NCAM1: variants seen among roughly 807,000 people sequenced by gnomAD.
NCAM1 encodes antigen recognized by monoclonal antibody 5.1H11.
Under a neutral mutation model 109.8 loss-of-function variants are expected in NCAM1, and 14 were observed. The ratio of observed to expected loss-of-function variants is 0.13; its 90% confidence interval spans 0.08 to 0.20. The LOEUF (loss-of-function observed/expected upper bound fraction) is 0.20, where lower values mean the gene tolerates loss of function less well. Ranked by LOEUF, NCAM1 falls within the 10% of genes least tolerant of loss-of-function variation. The pLI, the probability that NCAM1 is intolerant of heterozygous loss-of-function variation, is 1.00. For synonymous variants in NCAM1, 418 were observed against 442.9 expected (o/e 0.94, Z 0.70); for missense variants, 774 against 1,109.9 (o/e 0.70, Z 4.30).
Position 113,124,539 on chromosome 11 carries a change from A to T in NCAM1, c.53-77840A>T, listed in dbSNP as rs144088320. Among the ~76,000 whole-genome samples, 54 of 152,342 alleles carry T rather than the reference A, an allele frequency of 3.5e-4. No homozygotes were observed. In the Middle Eastern group the frequency reaches 0.014, roughly 38 times the overall value. On this transcript the variant is annotated intron_variant, in intron 1 of 19. Transcript: ENST00000316851. ...AGTAGAGTGGCTGCTGTGTGTTTAC[A>T]GTCACAAGATATTTCTGAATTCTTT...
chr11:113,231,138 G>T, intron 9 of NCAM1: 1 of 1,471,692 alleles, frequency 6.8e-7, no homozygotes, highest in Non-Finnish European at 9.2e-7. Flanking sequence ...GGCATCTGCA[G>T]AAATAAGGAT....
Position 113,204,270 on chromosome 11 carries a change from A to C in NCAM1, c.128-16A>C, listed in dbSNP as rs1555112426. 4 of 1,591,706 alleles carry C rather than the reference A, an allele frequency of 2.5e-6. No individual in the cohort carries two copies. Among genetic ancestry groups the C allele is most frequent in the African/African-American group, 2.7e-5 (2 of 74,568 alleles). ...TTTCGACTTCAGTAGCTTAAAAATAATCTCTTCCTCTTTAGTGGCAGGAGA... is the reference window on the plus strand; with the variant it reads ...TTTCGACTTCAGTAGCTTAAAAATACTCTCTTCCTCTTTAGTGGCAGGAGA... On this transcript the variant is annotated splice_polypyrimidine_tract_variant and intron_variant, in intron 2 of 19. Transcript: ENST00000316851.
intron 1 of NCAM1, among the ~76,000 whole-genome samples, chr11:112,976,291 G>A (rs574730342): frequency 6.6e-6 from 1 of 151,866 alleles, no homozygotes. Flanking sequence ...CTCAACATGA[G>A]AGATTTAAAA....
chr11:113,182,451 C>T lies in NCAM1; in HGVS notation c.53-19928C>T, dbSNP rs1212427252. 4.6e-5 allele frequency among the ~76,000 whole-genome samples: 7 copies of T among 152,296 alleles called. No individual in the cohort carries two copies. The East Asian group carries it at 1.2e-3, about 25-fold the overall frequency. ...TGACGTAATTAACAGCTGTCTAGAACGTGCCTTTTTATGCCTTGTATTATG... is the reference window on the plus strand; with the variant it reads ...TGACGTAATTAACAGCTGTCTAGAATGTGCCTTTTTATGCCTTGTATTATG... On this transcript the variant is annotated intron_variant, in intron 1 of 19. Transcript: ENST00000316851.
chr11:113,152,440 A>G (rs9651679), intron 1 of NCAM1, among the ~76,000 whole-genome samples: 21,057 of 152,306 alleles, frequency 0.14, 1,636 homozygotes, highest in East Asian at 0.26. Flanking sequence ...AAATCAGTGT[A>G]ATATGCTCTA....
intron 1 of NCAM1, among the ~76,000 whole-genome samples, chr11:113,010,030 GA>G (rs5794836): frequency 0.46 from 67,141 of 146,014 alleles, 15,724 homozygotes; most frequent in East Asian, 0.8. Flanking sequence ...GCTGCATCTT[GA>G]AAAAAAAAAA....
At chr11:113,169,771 G>A (rs12274201) in intron 1 of NCAM1, among the ~76,000 whole-genome samples, 31,462 of 151,780 alleles carry the variant, frequency 0.21, 4,129 homozygotes, top group East Asian at 0.37. Context: ...GGGATGATAG[G>A]TGCCTGCCAC....
rs533374737 is a variant in NCAM1 at position 113,072,823 on chromosome 11, A to T, written c.52+111159A>T. Among the ~76,000 whole-genome samples the T allele has an allele frequency of 8.5e-3, 1,240 of 145,500 alleles. 9 individuals are homozygous for T. Among genetic ancestry groups the T allele is most frequent in the African/African-American group, 0.023 (914 of 39,338 alleles). ...TTCTAAGTATTTTACATTGTTTTTTATTTTTTTTTTCATTTTTTTGACTAT... is the reference window on the plus strand; with the variant it reads ...TTCTAAGTATTTTACATTGTTTTTTTTTTTTTTTTTCATTTTTTTGACTAT... On this transcript the variant is annotated intron_variant, in intron 1 of 19. Coordinates refer to ENST00000316851, the MANE Select transcript of NCAM1 (RefSeq NM_181351.5).
chr11:112,970,016 T>C (rs1555066489), intron 1 of NCAM1, among the ~76,000 whole-genome samples: 1 of 152,114 alleles, frequency 6.6e-6, no homozygotes, highest in East Asian at 1.9e-4. Context: ...GACCTGGACC[T>C]CCACAGATAT....
At chr11:113,237,941 TATATATAGATATATAGATAG>T (rs1945221613) in intron 14 of NCAM1, among the ~76,000 whole-genome samples, 2 of 21,438 alleles carry the variant, frequency 9.3e-5, no homozygotes, top group Admixed American at 6.3e-4. Context: ...TATATAGATA[TATATATAGATATATAGATAG>T]ATAGATAGAT....
chr11:113,005,864 A>G (rs1951882243), intron 1 of NCAM1, among the ~76,000 whole-genome samples: 1 of 152,254 alleles, frequency 6.6e-6, no homozygotes, highest in Non-Finnish European at 1.5e-5. Flanking sequence ...GTCATTCAAC[A>G]ATGATGGCTT....
intron 6 of NCAM1, 102 bp downstream of exon 6, chr11:113,207,480 T>A (rs1490897957): frequency 2.2e-6 from 2 of 892,632 alleles, no homozygotes; most frequent in African/African-American, 3.3e-5. Flanking sequence ...GTGGGCTTCT[T>A]AGGAATATTA....
intron 1 of NCAM1, among the ~76,000 whole-genome samples, chr11:113,078,448 C>T (rs943913483): frequency 9.2e-5 from 14 of 151,758 alleles, no homozygotes; most frequent in African/African-American, 3.4e-4. Context: ...ACATGTGTTT[C>T]GGGAAGGGTA....
At chr11:113,239,708 A>G (rs1555118861) in intron 14 of NCAM1, among the ~76,000 whole-genome samples, 2 of 152,156 alleles carry the variant, frequency 1.3e-5, no homozygotes, top group East Asian at 3.9e-4. Context: ...CTATGCAAAC[A>G]ATTCAAGCTA....
At chr11:113,018,148 C>G (rs1276696895) in intron 1 of NCAM1, among the ~76,000 whole-genome samples, 3 of 148,978 alleles carry the variant, frequency 2.0e-5, no homozygotes, top group Non-Finnish European at 4.4e-5. Context: ...ATGGCATATT[C>G]TCTGTCTTTA....
At chr11:113,236,468 G>C (rs1945170783) in intron 14 of NCAM1, among the ~76,000 whole-genome samples, 2 of 152,164 alleles carry the variant, frequency 1.3e-5, no homozygotes, top group South Asian at 4.1e-4. Context: ...TAGTCTAGTT[G>C]TGCTGTTGTT....
chr11:113,107,759 A>G (rs1196064787), intron 1 of NCAM1, among the ~76,000 whole-genome samples: 2 of 152,122 alleles, frequency 1.3e-5, no homozygotes, highest in African/African-American at 4.8e-5. Context: ...GGGAGCTACA[A>G]TTAAAGATGA....
intron 1 of NCAM1, among the ~76,000 whole-genome samples, chr11:113,066,708 A>G (rs1310759844): frequency 6.6e-6 from 1 of 152,124 alleles, no homozygotes; most frequent in Non-Finnish European, 1.5e-5. Flanking sequence ...CCCTCTAAAA[A>G]GAATTAGATT....
At chr11:112,989,509 G>A (rs750763638) in intron 1 of NCAM1, among the ~76,000 whole-genome samples, 1 of 151,982 alleles carries the variant, frequency 6.6e-6, no homozygotes, top group Non-Finnish European at 1.5e-5. Flanking sequence ...TTTTGTTCAT[G>A]CATTGTCTTC....
Sources: allele counts gnomAD v4.1 joint callset (sites outside exome capture counted in the v4.1 genomes callset), GRCh38; gene constraint gnomAD v4.1.1; transcripts MANE v1.5; gene names NCBI Gene and HGNC (gene_info 2026-07-23, HGNC 2026-07-21).